Variants in LIMK2 observed in about 807,000 individuals in gnomAD.
The protein encoded by LIMK2 is LIM domain kinase 2.
Under a neutral mutation model 75.7 loss-of-function variants are expected in LIMK2, and 35 were observed. The observed-to-expected ratio is 0.46, with a 90% CI of 0.35 to 0.61. LIMK2 has a LOEUF of 0.61. Ranked by LOEUF, LIMK2 falls within the 20% of genes least tolerant of loss-of-function variation. The probability of loss-of-function intolerance (pLI) is 0.00; values close to 1 mark genes in which losing one functional copy is unlikely to be tolerated. For missense variants in LIMK2, 623 were observed against 831.0 expected, an observed-to-expected ratio of 0.75 and a Z score of 3.08; for synonymous variants, 301 against 319.2, an observed-to-expected ratio of 0.94 and a Z score of 0.61.
intron 2 of LIMK2, among the ~76,000 whole-genome samples, chr22:31,249,028 G>A (rs1412284452): frequency 6.6e-6 from 1 of 152,144 alleles, no homozygotes; most frequent in Non-Finnish European, 1.5e-5. Context: ...AAACCTGAAG[G>A]AGCCTCCAAA....
At chr22:31,251,256 T>A (rs1308050334) in intron 2 of LIMK2, among the ~76,000 whole-genome samples, 1 of 152,244 alleles carries the variant, frequency 6.6e-6, no homozygotes, top group Admixed American at 6.5e-5. Flanking sequence ...CAATACTGAT[T>A]TAATGAGCTT....
At chr22:31,248,511 C>G in intron 2 of LIMK2, 1 of 1,562,706 alleles carries the variant, frequency 6.4e-7, no homozygotes, top group Non-Finnish European at 8.6e-7. Context: ...CAGCCATGAG[C>G]CCCTGTGGGA....
intron 2 of LIMK2, chr22:31,248,419 G>A (rs1411757957): frequency 7.0e-7 from 1 of 1,421,362 alleles, no homozygotes; most frequent in African/African-American, 1.4e-5. Context: ...ATGCCAGTGT[G>A]TGTGTAGCCT....
chr22:31,232,265 A>G (rs73158533), intron 2 of LIMK2, among the ~76,000 whole-genome samples: 9,972 of 151,812 alleles, frequency 0.066, 421 homozygotes, highest in Admixed American at 0.16. Context: ...AAAAAAAAAA[A>G]AAAACAGTAG....
In LIMK2 at chr22:31,275,333, A is replaced by G. The variant is rs1349373476; in HGVS notation, c.1772+25A>G. On this transcript the variant is annotated intron_variant, in intron 15 of 15. Coordinates refer to ENST00000331728, the MANE Select transcript of LIMK2 (RefSeq NM_005569.4). ...GGTTGGTATCCTGCCTTTTTCTCCC[A>G]GCTCACAGGGTCCTGGGACGTTTGC... 2.5e-6 allele frequency: 4 copies of G among 1,613,576 alleles called. No homozygotes were observed. The African/African-American group carries it at 5.3e-5, about 22-fold the overall frequency.
intron 2 of LIMK2, among the ~76,000 whole-genome samples, chr22:31,251,905 C>G (rs2048728417): frequency 6.6e-6 from 1 of 152,126 alleles, no homozygotes; most frequent in Non-Finnish European, 1.5e-5. Flanking sequence ...CCATTCTCTC[C>G]TTCAGCCCAC....
At chr22:31,248,078 T>C (rs532616484) in intron 2 of LIMK2, among the ~76,000 whole-genome samples, 52 of 151,960 alleles carry the variant, frequency 3.4e-4, no homozygotes, top group Non-Finnish European at 5.0e-4. Context: ...CCAAGCAGAA[T>C]TACTGTCCTG....
chr22:31,265,741 A>G (rs1481717892), intron 7 of LIMK2, among the ~76,000 whole-genome samples: 1 of 152,126 alleles, frequency 6.6e-6, no homozygotes, highest in Non-Finnish European at 1.5e-5. Context: ...CCCATTTTGA[A>G]TGTGTTTTTA....
chr22:31,257,500 G>A (rs957990028), intron 2 of LIMK2, among the ~76,000 whole-genome samples: 1 of 152,010 alleles, frequency 6.6e-6, no homozygotes, highest in Non-Finnish European at 1.5e-5. Flanking sequence ...TCCTATATAA[G>A]TCAGATATCA....
chr22:31,246,797 T>C (rs553455125), intron 2 of LIMK2, among the ~76,000 whole-genome samples: 2 of 151,886 alleles, frequency 1.3e-5, no homozygotes, highest in South Asian at 4.2e-4. Flanking sequence ...CCCTCACCAC[T>C]TATCAGCTAT....
intron 14 of LIMK2, among the ~76,000 whole-genome samples, chr22:31,273,840 G>A (rs948955839): frequency 1.1e-4 from 17 of 151,878 alleles, no homozygotes; most frequent in African/African-American, 3.6e-4. Flanking sequence ...TGGGACTACC[G>A]GCACACACCA....
rs1431500778 is a variant in LIMK2, at chr22:31,262,583, T to G, written c.658-12T>G. On this transcript the variant is annotated splice_polypyrimidine_tract_variant and intron_variant, in intron 6 of 15. Transcript: ENST00000331728. The surrounding 1 kb of genome is among the most constrained non-coding windows in gnomAD (Gnocchi z 5.0). Reference sequence around the variant, plus strand: ...GCAGCCTGTGGGAGCTTTATACTGCTCTTGGCCACAGGTGGAGGATGCAAT... The same window carrying G: ...GCAGCCTGTGGGAGCTTTATACTGCGCTTGGCCACAGGTGGAGGATGCAAT... The G allele has an allele frequency of 1.2e-6, 2 of 1,606,054 alleles. No individual in the cohort carries two copies. Among genetic ancestry groups the G allele is most frequent in the African/African-American group, 2.7e-5 (2 of 74,826 alleles).
At chr22:31,265,200 A>C in intron 7 of LIMK2, among the ~76,000 whole-genome samples, 2 of 144,854 alleles carry the variant, frequency 1.4e-5, no homozygotes, top group East Asian at 2.0e-4. Context: ...TCAAAAAAAA[A>C]AAAAAAAAAA....
In LIMK2 at chr22:31,272,583, G is replaced by A; in HGVS notation, c.1437G>A (p.Glu479=). The change falls in exon 13 of 16, where the codon GAG becomes GAA. Residue 479 remains glutamate, a synonymous_variant. Transcript: ENST00000331728. The part of the protein sequence containing the change: ...DFGLSRLIVE[E]RKRAPMEKAT... ...GGCTGTCACGGCTCATAGTGGAAGA[G>A]AGGAAAAGGGCCCCCATGGAGAAGG... The A allele has an allele frequency of 6.2e-7, 1 of 1,614,000 alleles. No homozygotes were observed.
chr22:31,214,590 A>G (rs2048374411), intron 1 of LIMK2, among the ~76,000 whole-genome samples: 1 of 150,958 alleles, frequency 6.6e-6, no homozygotes, highest in Admixed American at 6.6e-5. Context: ...CACCATGCCC[A>G]TCCTCTACTT....
At chr22:31,226,770 C>T (rs998615890) in intron 2 of LIMK2, among the ~76,000 whole-genome samples, 3 of 152,184 alleles carry the variant, frequency 2.0e-5, no homozygotes, top group Non-Finnish European at 4.4e-5. Context: ...CCACCACGCC[C>T]AGCTAATTTT....
intron 2 of LIMK2, among the ~76,000 whole-genome samples, chr22:31,254,971 GAAAAA>G (rs1462373930): frequency 6.7e-6 from 1 of 149,628 alleles, no homozygotes; most frequent in Non-Finnish European, 1.5e-5. Context: ...AAAAAAAAAA[GAAAAA>G]AGAAAAAATC....
At chr22:31,242,998 C>T (rs1362865855) in intron 2 of LIMK2, among the ~76,000 whole-genome samples, 1 of 152,250 alleles carries the variant, frequency 6.6e-6, no homozygotes, top group African/African-American at 2.4e-5. Flanking sequence ...TCTTGGCTCA[C>T]CGCAACCTCC....
At position 31,212,385 on chromosome 22, in the gene LIMK2, C is replaced by T; in HGVS notation, c.-24C>T. ...GCTGCTGTGTCCCCCGCCTCCTCCT[C>T]CCCATTTCCGCGCTCCCGGGACCAT... is the stretch of plus-strand genomic sequence containing the variant. On this transcript the variant is annotated 5_prime_UTR_variant, in exon 1 of 16. Transcript: ENST00000331728. 7.5e-7 allele frequency: 1 copy of T among 1,338,910 alleles called. No individual in the cohort carries two copies. The highest frequency in any genetic ancestry group is 9.7e-7 in the Non-Finnish European group (1 of 1,034,930). 82.9% of individuals were successfully genotyped at this position (1,338,910 alleles called of 1,614,324 possible). A position where few individuals can be genotyped will look rare whatever the true frequency, so the allele number is the denominator to read the frequency against.
Sources: allele counts gnomAD v4.1 joint callset (sites outside exome capture counted in the v4.1 genomes callset), GRCh38; gene constraint gnomAD v4.1.1; non-coding constraint Gnocchi (gnomAD v3.1); transcripts MANE v1.5; gene names NCBI Gene and HGNC (gene_info 2026-07-23, HGNC 2026-07-21).